The following RNF145 variants were observed in gnomAD, a reference collection of about 807,000 sequenced individuals.
RNF145 encodes the protein ring finger protein 145.
A neutral mutation model predicts 57.3 loss-of-function variants in RNF145; 12 were observed. That is an observed-to-expected ratio of 0.21 (90% CI 0.13 to 0.34). RNF145 has a LOEUF of 0.34. RNF145 is among the 10% of genes least tolerant of loss of function. The pLI, the probability that RNF145 is intolerant of heterozygous loss-of-function variation, is 1.00. For missense variants in RNF145, 429 were observed against 799.0 expected (o/e 0.54, Z 5.58); for synonymous variants, 262 against 288.3 (o/e 0.91, Z 0.92).
chr5:159,206,685 G>C (rs1464853721), intron 1 of RNF145, among the ~76,000 whole-genome samples: 2 of 152,048 alleles, frequency 1.3e-5, no homozygotes, highest in Non-Finnish European at 2.9e-5. Flanking sequence ...TAAAGTACAG[G>C]GGAGCTCAAT....
intron 1 of RNF145, among the ~76,000 whole-genome samples, chr5:159,205,418 A>T (rs1343420038): frequency 1.3e-5 from 2 of 152,194 alleles, no homozygotes; most frequent in Non-Finnish European, 2.9e-5. Flanking sequence ...AAAGCCCATG[A>T]TATTATTATT....
chr5:159,183,927 T>C (rs978479527), intron 3 of RNF145, among the ~76,000 whole-genome samples: 3 of 152,196 alleles, frequency 2.0e-5, no homozygotes, highest in Non-Finnish European at 2.9e-5. Context: ...CACAACATTA[T>C]GAATGTACTA....
At chr5:159,179,987 T>C (rs1365827062) in intron 4 of RNF145, among the ~76,000 whole-genome samples, 1 of 152,128 alleles carries the variant, frequency 6.6e-6, no homozygotes, top group Non-Finnish European at 1.5e-5. Context: ...TGCTTTAAGA[T>C]AGAAAACCTG....
At chr5:159,191,995 A>C (rs555742192) in intron 3 of RNF145, among the ~76,000 whole-genome samples, 1 of 152,016 alleles carries the variant, frequency 6.6e-6, no homozygotes, top group African/African-American at 2.4e-5. Flanking sequence ...TCAGCCCTCC[A>C]TATTCACTGG....
chr5:159,185,989 C>T (rs1220898243), intron 3 of RNF145, among the ~76,000 whole-genome samples: 6 of 152,110 alleles, frequency 3.9e-5, no homozygotes, highest in South Asian at 2.1e-4. Context: ...TTTGGGAGGC[C>T]GAGGCAGACG....
intron 3 of RNF145, among the ~76,000 whole-genome samples, chr5:159,184,187 C>T (rs1784986387): frequency 6.6e-6 from 1 of 152,154 alleles, no homozygotes; most frequent in Non-Finnish European, 1.5e-5. Context: ...TAATAAAGCT[C>T]AGCAAACTAA....
At chr5:159,166,614 C>A (rs973234016) in intron 8 of RNF145, among the ~76,000 whole-genome samples, 58 of 152,286 alleles carry the variant, frequency 3.8e-4, no homozygotes, top group African/African-American at 1.3e-3. Context: ...ATCTGGCATG[C>A]CACTTCTGTC....
At chr5:159,209,965 A>T, upstream of RNF145, 1 of 1,471,972 alleles carries the variant, frequency 6.8e-7, no homozygotes. Context: ...TAGACTGTAA[A>T]CTCCTTGGCG....
chr5:159,187,636 T>C (rs964558562), intron 3 of RNF145, among the ~76,000 whole-genome samples: 2 of 152,152 alleles, frequency 1.3e-5, no homozygotes. Context: ...CTATCTATAG[T>C]AGTTCTTAAC....
intron 4 of RNF145, among the ~76,000 whole-genome samples, chr5:159,180,798 C>CAAA (rs1050091134): frequency 1.2e-4 from 19 of 152,084 alleles, no homozygotes; most frequent in African/African-American, 4.6e-4. Context: ...GTGCTTTACA[C>CAAA]ATACAGCACA....
chr5:159,184,032 C>A (rs1178557387), intron 3 of RNF145, among the ~76,000 whole-genome samples: 3 of 152,154 alleles, frequency 2.0e-5, no homozygotes, highest in African/African-American at 7.2e-5. Context: ...AGAGCACTAT[C>A]CCCAAGGAGA....
chr5:159,174,211 T>C, intron 5 of RNF145, 53 bp from the exon 6 acceptor site: 1 of 1,220,866 alleles, frequency 8.2e-7, no homozygotes, highest in Non-Finnish European at 1.1e-6. Flanking sequence ...CAATAAACAC[T>C]TTAAACACTT....
intron 3 of RNF145, among the ~76,000 whole-genome samples, chr5:159,187,267 A>G (rs1288718246): frequency 6.6e-6 from 1 of 152,026 alleles, no homozygotes; most frequent in African/African-American, 2.4e-5. Context: ...GGGCAACAAG[A>G]GCAAAACTCC....
chr5:159,196,571 C>T (rs925592271), intron 2 of RNF145, among the ~76,000 whole-genome samples: 2 of 152,094 alleles, frequency 1.3e-5, no homozygotes, highest in Non-Finnish European at 2.9e-5. Flanking sequence ...TCAATCATGC[C>T]AAAAGCTAAG....
upstream of RNF145, chr5:159,209,734 G>A: frequency 1.8e-6 from 2 of 1,129,628 alleles, no homozygotes; most frequent in Admixed American, 2.0e-5. Context: ...GGCTCGGGTG[G>A]CTATGGAGAG....
chr5:159,201,503 G>A (rs890436440), intron 2 of RNF145, among the ~76,000 whole-genome samples: 1 of 152,154 alleles, frequency 6.6e-6, no homozygotes, highest in Non-Finnish European at 1.5e-5. Flanking sequence ...CTATGCCAAC[G>A]TAAAATGCAA....
intron 2 of RNF145, among the ~76,000 whole-genome samples, chr5:159,196,401 T>G (rs1785462662): frequency 6.6e-6 from 1 of 152,196 alleles, no homozygotes; most frequent in African/African-American, 2.4e-5. Flanking sequence ...TCACTTTTAC[T>G]TGACAATTCT....
chr5:159,181,052 C>A (rs1040247819), intron 4 of RNF145, among the ~76,000 whole-genome samples: 3 of 150,726 alleles, frequency 2.0e-5, no homozygotes, highest in Admixed American at 6.6e-5. Context: ...TCCATGTAAC[C>A]AAACACCATG....
rs771976729 is a variant in RNF145 at position 159,176,771 on chromosome 5, C to A, written c.482G>T (p.Cys161Phe). The part of the protein sequence containing the change: ...AHMLPLLARL[C>F]LVPLETIVII... ...AACAATTGTCTCCAAAGGAACAAGG[C>A]AGAGTCGTGCTAGCAGAGGAAGCAT... The change falls in exon 5 of 11, where the codon TGC becomes TTC. Residue 161 changes from cysteine (C) to phenylalanine (F), a missense_variant. Around this residue, in one of 4 missense-constraint regions of RNF145, gnomAD observed 109 missense variants for 207.2 expected, o/e 0.53. Transcript: ENST00000424310. 4.8e-5 allele frequency: 78 copies of A among 1,612,440 alleles called. No individual in the cohort carries two copies. The highest frequency in any genetic ancestry group is 6.5e-5 in the Non-Finnish European group (77 of 1,178,988).
Sources: gnomAD v4.1 joint callset for allele counts (sites outside exome capture counted in the v4.1 genomes callset) on GRCh38, gnomAD v4.1.1 for gene constraint, gnomAD v4.1.1 regional missense constraint, MANE v1.5 for transcripts, NCBI Gene and HGNC (gene_info 2026-07-23, HGNC 2026-07-21) for gene names.